ADAMTS12: variants seen among roughly 807,000 people sequenced by gnomAD.
ADAMTS12 encodes the protein ADAM metallopeptidase with thrombospondin type 1 motif 12.
In ADAMTS12, 118 loss-of-function variants were observed where a neutral mutation model predicts 167.8. The observed-to-expected ratio is 0.70, with a 90% CI of 0.61 to 0.82. ADAMTS12 has a LOEUF of 0.82. Ranked by LOEUF, ADAMTS12 falls within the 40% of genes least tolerant of loss-of-function variation. ADAMTS12 has a pLI of 0.00. For missense variants in ADAMTS12, 1,916 were observed against 1,998.8 expected (o/e 0.96, Z 0.79); for synonymous variants, 704 against 716.9 (o/e 0.98, Z 0.29).
At chr5:33,816,706 C>G (rs771279172) in intron 2 of ADAMTS12, among the ~76,000 whole-genome samples, 3 of 152,082 alleles carry the variant, frequency 2.0e-5, no homozygotes, top group Non-Finnish European at 2.9e-5. Context: ...AAAAGAATCA[C>G]AATCCAATGG....
intron 2 of ADAMTS12, among the ~76,000 whole-genome samples, chr5:33,873,598 A>G (rs1259770896): frequency 4.6e-5 from 7 of 152,194 alleles, no homozygotes; most frequent in Non-Finnish European, 7.4e-5. Context: ...CAAAACACAC[A>G]GACTAGCCAA....
At chr5:33,543,225 C>T (rs561402836) in intron 22 of ADAMTS12, among the ~76,000 whole-genome samples, 4 of 152,252 alleles carry the variant, frequency 2.6e-5, no homozygotes, top group African/African-American at 9.6e-5. Context: ...TCAGAGAATA[C>T]TATAAACACC....
At chr5:33,668,570 C>T (rs547349825) in intron 5 of ADAMTS12, among the ~76,000 whole-genome samples, 22 of 152,126 alleles carry the variant, frequency 1.4e-4, no homozygotes, top group Non-Finnish European at 2.9e-4. Context: ...GTAGCACAAT[C>T]CTCCAGGGTT....
At chr5:33,766,288 T>C (rs2112417722) in intron 2 of ADAMTS12, among the ~76,000 whole-genome samples, 1 of 152,290 alleles carries the variant, frequency 6.6e-6, no homozygotes, top group Admixed American at 6.5e-5. Flanking sequence ...GAGTGGCATG[T>C]TATCTCTGCT....
intron 5 of ADAMTS12, among the ~76,000 whole-genome samples, chr5:33,670,103 A>G (rs1163331392): frequency 6.6e-6 from 1 of 152,016 alleles, no homozygotes; most frequent in Non-Finnish European, 1.5e-5. Flanking sequence ...TAATACACAT[A>G]TTTGACGAAA....
intron 15 of ADAMTS12, among the ~76,000 whole-genome samples, chr5:33,615,078 T>C (rs1738928119): frequency 6.6e-6 from 1 of 152,156 alleles, no homozygotes; most frequent in Non-Finnish European, 1.5e-5. Flanking sequence ...TTATCACATG[T>C]TTAAAATTGA....
chr5:33,708,122 A>G (rs192973176), intron 3 of ADAMTS12, among the ~76,000 whole-genome samples: 1,839 of 152,358 alleles, frequency 0.012, 15 homozygotes, highest in Middle Eastern at 0.02. Context: ...CAACCCCATC[A>G]AAAAGTGGGC....
chr5:33,747,492 T>C (rs1156814287), intron 3 of ADAMTS12, among the ~76,000 whole-genome samples: 2 of 152,332 alleles, frequency 1.3e-5, no homozygotes, highest in African/African-American at 2.4e-5. Context: ...GTTAAAGTCA[T>C]AGATGTATTT....
At chr5:33,872,661 T>A (rs1750083129) in intron 2 of ADAMTS12, among the ~76,000 whole-genome samples, 1 of 152,186 alleles carries the variant, frequency 6.6e-6, no homozygotes, top group South Asian at 2.1e-4. Context: ...AGAAGACATT[T>A]GCTCTGCTCC....
chr5:33,845,160 A>G (rs1319465978), intron 2 of ADAMTS12, among the ~76,000 whole-genome samples: 1 of 152,254 alleles, frequency 6.6e-6, no homozygotes, highest in African/African-American at 2.4e-5. Flanking sequence ...GCCCATATAC[A>G]CACATATTCT....
chr5:33,682,025 G>A (rs78868359), intron 5 of ADAMTS12, among the ~76,000 whole-genome samples: 5,180 of 152,236 alleles, frequency 0.034, 303 homozygotes, highest in African/African-American at 0.12. Flanking sequence ...ATCATCCATG[G>A]AGAATGAATT....
chr5:33,861,152 A>G (rs537463293), intron 2 of ADAMTS12, among the ~76,000 whole-genome samples: 8 of 152,258 alleles, frequency 5.3e-5, no homozygotes, highest in Non-Finnish European at 7.3e-5. Flanking sequence ...AGCTAACGCC[A>G]TAATGACAGA....
intron 2 of ADAMTS12, among the ~76,000 whole-genome samples, chr5:33,774,589 C>CA (rs1355641297): frequency 2.0e-5 from 3 of 152,112 alleles, no homozygotes; most frequent in Admixed American, 6.5e-5. Context: ...GATGAGAGTC[C>CA]AGAGTCTGCG....
chr5:33,748,791 CACT>C (rs1744879686), intron 3 of ADAMTS12, among the ~76,000 whole-genome samples: 1 of 152,142 alleles, frequency 6.6e-6, no homozygotes, highest in Non-Finnish European at 1.5e-5. Context: ...ATGACACCAC[CACT>C]GTCAGTTAAT....
At chr5:33,559,948 C>A (rs1331225336) in intron 20 of ADAMTS12, among the ~76,000 whole-genome samples, 1 of 152,102 alleles carries the variant, frequency 6.6e-6, no homozygotes, top group Non-Finnish European at 1.5e-5. Context: ...ACAAATTATT[C>A]TTTATATCTC....
chr5:33,688,217 T>C (rs1471632575), intron 3 of ADAMTS12, among the ~76,000 whole-genome samples: 1 of 152,138 alleles, frequency 6.6e-6, no homozygotes, highest in Non-Finnish European at 1.5e-5. Flanking sequence ...GCCAGGTTTG[T>C]CCATTTTTTC....
intron 5 of ADAMTS12, among the ~76,000 whole-genome samples, chr5:33,670,002 A>C (rs941321919): frequency 6.6e-6 from 1 of 152,124 alleles, no homozygotes; most frequent in Non-Finnish European, 1.5e-5. Context: ...AAGAATTGAT[A>C]AATTGGATCA....
intron 1 of ADAMTS12, among the ~76,000 whole-genome samples, chr5:33,884,578 G>A (rs1008933429): frequency 5.3e-5 from 8 of 152,156 alleles, no homozygotes; most frequent in African/African-American, 1.7e-4. Flanking sequence ...TAGGGGGGAT[G>A]AATGCCCTGG....
chr5:33,589,085 A>C (rs562671594), intron 17 of ADAMTS12, among the ~76,000 whole-genome samples: 2 of 152,320 alleles, frequency 1.3e-5, no homozygotes, highest in East Asian at 3.9e-4. Flanking sequence ...CAGGAAGAAA[A>C]CTGAGGTCCA....
Sources: gnomAD v4.1 joint callset for allele counts (sites outside exome capture counted in the v4.1 genomes callset) on GRCh38, gnomAD v4.1.1 for gene constraint, MANE v1.5 for transcripts, NCBI Gene and HGNC (gene_info 2026-07-23, HGNC 2026-07-21) for gene names.